KNG1: variants seen among roughly 807,000 people sequenced by gnomAD.
KNG1 encodes the protein kininogen-1.
KNG1 carries 23 observed loss-of-function variants against 47.8 expected under a neutral mutation model. That is an observed-to-expected ratio of 0.48 (90% confidence interval 0.35 to 0.68). The LOEUF is 0.68. Ranked by LOEUF, KNG1 falls within the 30% of genes least tolerant of loss-of-function variation. KNG1 has a pLI of 0.01. For synonymous variants in KNG1, 277 were observed against 277.0 expected (o/e 1.00, Z 0.00); for missense variants, 762 against 790.2 (o/e 0.96, Z 0.43).
chr3:186,739,456 A>G (rs553878097), intron 9 of KNG1, 42 bp downstream of exon 9: 2 of 1,314,046 alleles, frequency 1.5e-6, no homozygotes, highest in Admixed American at 3.4e-5. Flanking sequence ...AGTTCTGCTC[A>G]TTCTGAAAAT....
In KNG1 at chr3:186,742,774, T is replaced by A; in HGVS notation, c.*443T>A. 1.0e-6 allele frequency: 1 copy of A among 998,804 alleles called. No individual in the cohort carries two copies. Among genetic ancestry groups the A allele is most frequent in the Non-Finnish European group, 1.2e-6 (1 of 838,158 alleles). The allele number at this position is 998,804 out of a possible 1,614,324, so 61.9% of individuals were successfully genotyped here. A position where few individuals can be genotyped will look rare whatever the true frequency, so the allele number is the denominator to read the frequency against. On this transcript the variant is annotated 3_prime_UTR_variant, in exon 10 of 10. Transcript: ENST00000644859. ...GCTGAACTTATTAATGGAATAGAAA[T>A]AATAAGGAGGCTGAGGCTGGAGAAT...
chr3:186,722,889 C>A (rs1159529159), intron 3 of KNG1, among the ~76,000 whole-genome samples: 1 of 152,166 alleles, frequency 6.6e-6, no homozygotes, highest in African/African-American at 2.4e-5. Flanking sequence ...TGCCTTCTTG[C>A]CTCTCCTTTT....
intron 9 of KNG1, among the ~76,000 whole-genome samples, 196 bp from the exon 10 acceptor site, chr3:186,741,326 G>A (rs182095173): frequency 1.1e-4 from 17 of 152,074 alleles, no homozygotes; most frequent in Middle Eastern, 3.4e-3. Flanking sequence ...AATAATTAAT[G>A]TCCACAAATT....
Position 186,730,703 on chromosome 3 carries a change from T to TACAC in KNG1, c.673-841_673-840insCACA, listed in dbSNP as rs1238057621. Among the ~76,000 whole-genome samples the TACAC allele has an allele frequency of 1.5e-4, 15 of 98,044 alleles. 1 individual carries two copies. The highest frequency in any genetic ancestry group is 3.4e-4 in the East Asian group (1 of 2,942). 64.3% of individuals were successfully genotyped at this position (98,044 alleles called of 152,430 possible). The stretch of plus-strand genomic sequence containing the variant: ...AAAAAAATATATATATATATATATA[T>TACAC]ATATATATATATACACACACACACA... On this transcript the variant is annotated intron_variant, in intron 5 of 9. Coordinates refer to ENST00000644859, the MANE Select transcript of KNG1 (RefSeq NM_001102416.3).
chr3:186,725,102 G>A lies in KNG1; in HGVS notation c.406G>A (p.Val136Met), dbSNP rs930806086. The A allele has an allele frequency of 3.1e-6, 5 of 1,613,916 alleles. No individual in the cohort carries two copies. The African/African-American group carries it at 6.7e-5, about 22-fold the overall frequency. ...TCTTTGTTAAGCCGAGGGCCCTGTG[G>A]TGACAGCCCAGTACGACTGCCTCGG... is the stretch of plus-strand genomic sequence containing the variant. The part of the protein sequence containing the change: ...CQITPAEGPV[V>M]TAQYDCLGCV... Residue 136 changes from valine (V) to methionine (M), a missense_variant, in exon 4 of 10, where the codon GTG (valine) becomes ATG (methionine). Physicochemically the swap from Val to Met is conservative, Grantham distance 21. Transcript: ENST00000644859.
intron 2 of KNG1, chr3:186,722,188 G>A: frequency 1.8e-5 from 7 of 399,798 alleles, no homozygotes; most frequent in South Asian, 6.0e-5. Flanking sequence ...TCAAAACAAA[G>A]ACTCAAGCTT....
At chr3:186,717,950 C>T (rs1720046843) in intron 1 of KNG1, 2 of 497,636 alleles carry the variant, frequency 4.0e-6, no homozygotes, top group African/African-American at 2.8e-5. Context: ...CCACCCACCA[C>T]CATCACCCAC....
intron 7 of KNG1, among the ~76,000 whole-genome samples, chr3:186,737,317 G>A (rs913425265): frequency 1.3e-5 from 2 of 151,974 alleles, no homozygotes; most frequent in African/African-American, 2.4e-5. Flanking sequence ...TCCATTTTTA[G>A]TGTTGGGCTT....
At chr3:186,737,100 C>T (rs1004667784) in intron 7 of KNG1, among the ~76,000 whole-genome samples, 1 of 152,146 alleles carries the variant, frequency 6.6e-6, no homozygotes, top group African/African-American at 2.4e-5. Context: ...CTCTTCCTAC[C>T]AGCAGTGACT....
intron 5 of KNG1, among the ~76,000 whole-genome samples, chr3:186,730,546 C>T (rs1198187607): frequency 6.7e-6 from 1 of 149,392 alleles, no homozygotes; most frequent in Non-Finnish European, 1.5e-5. Context: ...ATCCCAGACA[C>T]TTGGGAGGCT....
At chr3:186,741,054 C>T (rs899883869) in intron 9 of KNG1, among the ~76,000 whole-genome samples, 18 of 151,536 alleles carry the variant, frequency 1.2e-4, no homozygotes, top group African/African-American at 3.2e-4. Flanking sequence ...AGTGCAGTGG[C>T]GCCATCTCAG....
Position 186,743,828 on chromosome 3 carries a change from C to T in KNG1, c.*1497C>T. Reference sequence around the variant, plus strand: ...CACTCCAGGCACATAGCCCCAACCACCTCTGCCAGCAACCTTGAGAGGAAG... The same window carrying T: ...CACTCCAGGCACATAGCCCCAACCATCTCTGCCAGCAACCTTGAGAGGAAG... On this transcript the variant is annotated 3_prime_UTR_variant, in exon 10 of 10. Coordinates refer to ENST00000644859, the MANE Select transcript of KNG1 (RefSeq NM_001102416.3). The T allele has an allele frequency of 7.4e-7, 1 of 1,346,004 alleles. No homozygotes were observed. The highest frequency in any genetic ancestry group is 1.2e-5 in the South Asian group (1 of 85,596). 83.4% of individuals were successfully genotyped at this position (1,346,004 alleles called of 1,614,324 possible). A position where few individuals can be genotyped will look rare whatever the true frequency, so the allele number is the denominator to read the frequency against.
At chr3:186,719,115 T>G (rs528855296) in intron 1 of KNG1, among the ~76,000 whole-genome samples, 1 of 152,284 alleles carries the variant, frequency 6.6e-6, no homozygotes, top group African/African-American at 2.4e-5. Flanking sequence ...AGTACAGTCA[T>G]GTGAGAAATT....
chr3:186,738,628 C>T (rs965817796), intron 7 of KNG1: 1 of 162,854 alleles, frequency 6.1e-6, no homozygotes, highest in Non-Finnish European at 1.3e-5. Flanking sequence ...AGGTGGATCA[C>T]CTGAGGTCGG....
chr3:186,736,561 G>A (rs1488646863), intron 7 of KNG1: 1 of 152,244 alleles, frequency 6.6e-6, no homozygotes, highest in Non-Finnish European at 1.5e-5. Context: ...TGTCCCCAAG[G>A]CTGTTGATGC....
At chr3:186,732,196 T>G (rs1313571001) in intron 6 of KNG1, among the ~76,000 whole-genome samples, 1 of 152,230 alleles carries the variant, frequency 6.6e-6, no homozygotes, top group Non-Finnish European at 1.5e-5. Flanking sequence ...GTCACTCCTT[T>G]AAATTAAGCA....
rs1214232154 is a variant in KNG1, at chr3:186,739,174, T to C, written c.1006T>C (p.Leu336=). 6.2e-7 allele frequency: 1 copy of C among 1,614,024 alleles called. No individual in the cohort carries two copies. The highest frequency in any genetic ancestry group is 2.2e-5 in the East Asian group (1 of 44,898). The change falls in exon 8 of 10, where the codon TTG becomes CTG. Residue 336 remains leucine, a synonymous_variant. Transcript: ENST00000644859. ...TTCSKESNEE[L]TESCETKKLG... ...ATGTTCCAAGGAAAGTAATGAAGAG[T>C]TGACCGAAAGCTGTGAGACCAAAAA...
At chr3:186,735,330 A>G (rs1720643874) in intron 7 of KNG1, among the ~76,000 whole-genome samples, 1 of 152,090 alleles carries the variant, frequency 6.6e-6, no homozygotes, top group Non-Finnish European at 1.5e-5. Context: ...CAAAAAAAGA[A>G]TTAAAGGCCA....
intron 3 of KNG1, among the ~76,000 whole-genome samples, chr3:186,724,669 G>A (rs1272707578): frequency 1.3e-5 from 2 of 151,720 alleles, no homozygotes; most frequent in African/African-American, 2.4e-5. Flanking sequence ...CTTGTGGGAT[G>A]CATGGTTTGC....
Sources: allele counts gnomAD v4.1 joint callset (sites outside exome capture counted in the v4.1 genomes callset), GRCh38; gene constraint gnomAD v4.1.1; transcripts MANE v1.5; gene names NCBI Gene and HGNC (gene_info 2026-07-23, HGNC 2026-07-21).